EPHB1: variants seen among roughly 807,000 people sequenced by gnomAD.
EPHB1 encodes the protein EPH receptor B1, also known as ephrin type-B receptor 1.
In EPHB1, 30 loss-of-function variants were observed where a neutral mutation model predicts 94.4. The ratio of observed to expected loss-of-function variants is 0.32; its 90% confidence interval spans 0.24 to 0.43. EPHB1 has a LOEUF of 0.43. EPHB1 is among the 20% of genes least tolerant of loss of function. EPHB1 has a pLI of 1.00. For synonymous variants in EPHB1, 522 were observed against 489.1 expected (o/e 1.07, Z -0.89); for missense variants, 1,055 against 1,308.3 (o/e 0.81, Z 2.99).
chr3:134,834,809 C>A (rs1314990839), intron 1 of EPHB1, among the ~76,000 whole-genome samples: 6 of 152,180 alleles, frequency 3.9e-5, no homozygotes, highest in African/African-American at 1.4e-4. Context: ...GACATAATCT[C>A]CACCAGAGCA....
chr3:134,816,497 G>A (rs1339415853), intron 1 of EPHB1, among the ~76,000 whole-genome samples: 1 of 152,092 alleles, frequency 6.6e-6, no homozygotes, highest in Non-Finnish European at 1.5e-5. Context: ...TATGGCCTCT[G>A]TGTGTTCGTC....
At chr3:135,094,442 G>A (rs1938679337) in intron 3 of EPHB1, among the ~76,000 whole-genome samples, 1 of 152,140 alleles carries the variant, frequency 6.6e-6, no homozygotes. Flanking sequence ...TGTTTATGCT[G>A]TTTCTCCTGG....
intron 11 of EPHB1, among the ~76,000 whole-genome samples, chr3:135,194,382 A>C (rs1942540192): frequency 6.6e-6 from 1 of 152,210 alleles, no homozygotes; most frequent in Non-Finnish European, 1.5e-5. Flanking sequence ...AAGTTCTTAA[A>C]TCTTCCTGGA....
chr3:134,882,707 C>CTT (rs2037759950), intron 1 of EPHB1, among the ~76,000 whole-genome samples: 1 of 151,118 alleles, frequency 6.6e-6, no homozygotes, highest in African/African-American at 2.4e-5. Context: ...TTCTTTCCTT[C>CTT]CTTCCTTCTT....
intron 1 of EPHB1, among the ~76,000 whole-genome samples, chr3:134,851,516 C>T (rs1483013823): frequency 1.3e-5 from 2 of 152,142 alleles, no homozygotes; most frequent in Non-Finnish European, 2.9e-5. Flanking sequence ...CACCCGTATG[C>T]ACTTTGGACT....
intron 3 of EPHB1, among the ~76,000 whole-genome samples, chr3:135,094,409 G>A (rs1019711259): frequency 8.5e-5 from 13 of 152,288 alleles, no homozygotes; most frequent in Admixed American, 2.6e-4. Flanking sequence ...AGAATGTCGG[G>A]TGTCTGTGGG....
intron 3 of EPHB1, among the ~76,000 whole-genome samples, chr3:135,026,174 T>G (rs879583462): frequency 3.6e-4 from 51 of 142,802 alleles, no homozygotes; most frequent in Non-Finnish European, 1.5e-5. Context: ...GCCTGTTCAC[T>G]GTGATGGTAG....
chr3:135,002,314 G>A (rs1398112355), intron 3 of EPHB1, among the ~76,000 whole-genome samples: 1 of 152,158 alleles, frequency 6.6e-6, no homozygotes, highest in African/African-American at 2.4e-5. Flanking sequence ...TGATCATGGT[G>A]CATAAGCTTT....
At chr3:135,041,500 C>T (rs1192914289) in intron 3 of EPHB1, among the ~76,000 whole-genome samples, 3 of 152,184 alleles carry the variant, frequency 2.0e-5, no homozygotes, top group African/African-American at 7.2e-5. Flanking sequence ...CCTGACAGCC[C>T]TGAGCAGGTT....
chr3:134,988,596 C>T (rs748857120), intron 3 of EPHB1, among the ~76,000 whole-genome samples: 8 of 152,156 alleles, frequency 5.3e-5, no homozygotes, highest in African/African-American at 1.4e-4. Context: ...ATGCCCACTC[C>T]TCCTCCTTCC....
chr3:134,918,200 C>T (rs1026424591), intron 1 of EPHB1, among the ~76,000 whole-genome samples: 2 of 152,192 alleles, frequency 1.3e-5, no homozygotes, highest in African/African-American at 4.8e-5. Flanking sequence ...GAAGGAAGAC[C>T]TCCATGAGTA....
At chr3:134,914,968 G>C (rs1227278038) in intron 1 of EPHB1, among the ~76,000 whole-genome samples, 1 of 152,134 alleles carries the variant, frequency 6.6e-6, no homozygotes, top group African/African-American at 2.4e-5. Context: ...CCAGGACAGG[G>C]AAGAGAAGGG....
chr3:134,827,644 G>A (rs533856337), intron 1 of EPHB1, among the ~76,000 whole-genome samples: 1 of 152,334 alleles, frequency 6.6e-6, no homozygotes, highest in South Asian at 2.1e-4. Flanking sequence ...TCAATGTGTA[G>A]CATGTTTAGT....
chr3:134,928,254 A>C (rs530369641), intron 2 of EPHB1, among the ~76,000 whole-genome samples: 1 of 152,282 alleles, frequency 6.6e-6, no homozygotes, highest in African/African-American at 2.4e-5. Flanking sequence ...GCTCGTGTCC[A>C]TCCTCAGGGA....
intron 4 of EPHB1, among the ~76,000 whole-genome samples, chr3:135,128,438 C>A (rs947447012): frequency 6.6e-6 from 1 of 152,190 alleles, no homozygotes; most frequent in Non-Finnish European, 1.5e-5. Flanking sequence ...CATAGGGAGA[C>A]TGAGCAGTCT....
chr3:134,847,542 G>A (rs757423147), intron 1 of EPHB1, among the ~76,000 whole-genome samples: 22 of 152,176 alleles, frequency 1.4e-4, no homozygotes, highest in Non-Finnish European at 2.6e-4. Flanking sequence ...GTGGCTGCAG[G>A]GAAGACAATT....
intron 6 of EPHB1, among the ~76,000 whole-genome samples, chr3:135,158,505 C>T (rs907095878): frequency 9.9e-5 from 15 of 152,154 alleles, no homozygotes; most frequent in African/African-American, 3.6e-4. Context: ...TCCATGAGGG[C>T]AGTTTTGTAA....
chr3:134,973,203 C>A (rs1014616417), intron 3 of EPHB1, among the ~76,000 whole-genome samples: 1 of 152,204 alleles, frequency 6.6e-6, no homozygotes, highest in South Asian at 2.1e-4. Context: ...AGGGCAGACA[C>A]ACAACAACAG....
At chr3:135,178,837 A>C (rs560074986) in intron 9 of EPHB1, among the ~76,000 whole-genome samples, 1 of 152,270 alleles carries the variant, frequency 6.6e-6, no homozygotes, top group East Asian at 1.9e-4. Flanking sequence ...AGTACCTGGC[A>C]GAGAAAGCCC....
Sources: allele counts gnomAD v4.1 joint callset (sites outside exome capture counted in the v4.1 genomes callset), GRCh38; gene constraint gnomAD v4.1.1; transcripts MANE v1.5; gene names NCBI Gene and HGNC (gene_info 2026-07-23, HGNC 2026-07-21).